CACNA2D3: variants seen among roughly 807,000 people sequenced by gnomAD.
CACNA2D3 encodes voltage-dependent calcium channel subunit alpha-2/delta-3.
Under a neutral mutation model 160.6 loss-of-function variants are expected in CACNA2D3, and 60 were observed. That is an observed-to-expected ratio of 0.37 (90% CI 0.30 to 0.46). The LOEUF is 0.46. Among genes scored for constraint, CACNA2D3 ranks in the 20% least tolerant of loss-of-function variants. CACNA2D3 has a pLI of 1.00. For synonymous variants in CACNA2D3, 558 were observed against 492.9 expected (o/e 1.13, Z -1.75); for missense variants, 1,205 against 1,365.0 (o/e 0.88, Z 1.85).
chr3:54,474,856 G>A (rs1485030842), intron 4 of CACNA2D3, among the ~76,000 whole-genome samples: 1 of 152,114 alleles, frequency 6.6e-6, no homozygotes, highest in Non-Finnish European at 1.5e-5. Flanking sequence ...ACAATGCTGA[G>A]TTTTAATATC....
chr3:54,780,026 T>C (rs1702502404), intron 13 of CACNA2D3, among the ~76,000 whole-genome samples: 1 of 152,230 alleles, frequency 6.6e-6, no homozygotes, highest in Admixed American at 6.5e-5. Flanking sequence ...AGTCTCTGTT[T>C]ACTGTGCACT....
chr3:54,521,731 T>C (rs1039367660), intron 5 of CACNA2D3, among the ~76,000 whole-genome samples: 9 of 152,316 alleles, frequency 5.9e-5, no homozygotes, highest in Middle Eastern at 3.4e-3. Context: ...GAGTTCTATT[T>C]GAGTTTTTGT....
At chr3:54,755,897 G>A (rs564305580) in intron 12 of CACNA2D3, among the ~76,000 whole-genome samples, 12 of 151,990 alleles carry the variant, frequency 7.9e-5, no homozygotes, top group Admixed American at 3.9e-4. Context: ...TTTAGTCATG[G>A]GTTATTGTTT....
intron 24 of CACNA2D3, among the ~76,000 whole-genome samples, chr3:54,888,507 G>T (rs772076039): frequency 7.2e-5 from 11 of 152,124 alleles, no homozygotes; most frequent in Non-Finnish European, 1.6e-4. Context: ...TGTGGGGAAG[G>T]CCGTGGTAGT....
chr3:54,747,715 G>A (rs1422895610), intron 11 of CACNA2D3, among the ~76,000 whole-genome samples: 1 of 152,066 alleles, frequency 6.6e-6, no homozygotes, highest in African/African-American at 2.4e-5. Context: ...GAGCTTCCCT[G>A]TCGCAGGGAC....
intron 2 of CACNA2D3, among the ~76,000 whole-genome samples, chr3:54,249,588 C>CACACACACACACACACACACACACACA (rs58638743): frequency 6.8e-6 from 1 of 147,584 alleles, no homozygotes; most frequent in African/African-American, 2.5e-5. Flanking sequence ...CACACACACA[C>CACACACACACACACACACACACACACA]CAGGCTACAT....
chr3:54,234,220 T>G (rs138149085), intron 2 of CACNA2D3, among the ~76,000 whole-genome samples: 1 of 152,192 alleles, frequency 6.6e-6, no homozygotes, highest in African/African-American at 2.4e-5. Flanking sequence ...AAGACATACA[T>G]GCAGCCAACA....
chr3:54,146,181 C>T (rs1700026918), intron 2 of CACNA2D3, among the ~76,000 whole-genome samples: 8 of 152,182 alleles, frequency 5.3e-5, no homozygotes, highest in Admixed American at 5.2e-4. Flanking sequence ...GGTGTTAAAC[C>T]CTAGCCCTAA....
intron 3 of CACNA2D3, among the ~76,000 whole-genome samples, chr3:54,376,538 G>A (rs1461758125): frequency 6.6e-6 from 1 of 152,158 alleles, no homozygotes; most frequent in Admixed American, 6.5e-5. Context: ...GCAGTGTGAA[G>A]CTCAATAATT....
intron 2 of CACNA2D3, among the ~76,000 whole-genome samples, chr3:54,212,192 G>A (rs1206632878): frequency 2.6e-5 from 4 of 152,162 alleles, no homozygotes; most frequent in African/African-American, 9.7e-5. Flanking sequence ...AGCCTCCGGA[G>A]GTCCTGATGA....
chr3:54,537,034 T>C (rs1030219483), intron 5 of CACNA2D3, among the ~76,000 whole-genome samples: 1 of 152,098 alleles, frequency 6.6e-6, no homozygotes, highest in African/African-American at 2.4e-5. Flanking sequence ...ACAATGACTC[T>C]CTCTTAGTCC....
At chr3:54,860,765 C>T (rs1381364020) in intron 17 of CACNA2D3, among the ~76,000 whole-genome samples, 1 of 152,268 alleles carries the variant, frequency 6.6e-6, no homozygotes, top group East Asian at 1.9e-4. Context: ...TGGAGCAGAG[C>T]AGTCTCTGAG....
rs146706315 is a variant in CACNA2D3 at position 54,417,419 on chromosome 3, T to C, written c.381+30645T>C. 9.1e-3 allele frequency among the ~76,000 whole-genome samples: 1,392 copies of C among 152,342 alleles called. 12 individuals are homozygous for C. The highest frequency in any genetic ancestry group is 0.02 in the Middle Eastern group (6 of 294). ...ACTGTGTGAACTTGGGCAAGTCATA[T>C]GTTCTTTCAGACTACGAGTTGGGAC... On this transcript the variant is annotated intron_variant, in intron 4 of 37. Transcript: ENST00000474759.
intron 4 of CACNA2D3, among the ~76,000 whole-genome samples, chr3:54,445,109 T>C (rs1176489803): frequency 1.3e-5 from 2 of 152,136 alleles, no homozygotes; most frequent in Non-Finnish European, 2.9e-5. Flanking sequence ...AGGTGTCCAA[T>C]GACAAATGGT....
chr3:54,408,403 C>T (rs1427567334), intron 4 of CACNA2D3, among the ~76,000 whole-genome samples: 3 of 152,088 alleles, frequency 2.0e-5, no homozygotes, highest in African/African-American at 7.2e-5. Flanking sequence ...CTAAATGCCA[C>T]GTAATCAAAC....
At chr3:55,009,090 T>C (rs540408009) in intron 33 of CACNA2D3, among the ~76,000 whole-genome samples, 1 of 152,298 alleles carries the variant, frequency 6.6e-6, no homozygotes, top group Non-Finnish European at 1.5e-5. Context: ...CTAGATGATA[T>C]TAAGATTGAA....
chr3:54,401,264 C>T (rs569769532), intron 4 of CACNA2D3, among the ~76,000 whole-genome samples: 2 of 151,878 alleles, frequency 1.3e-5, no homozygotes, highest in African/African-American at 4.8e-5. Flanking sequence ...ATCAAGTGAA[C>T]AAAGATTCAT....
chr3:54,327,373 T>A (rs893570327), intron 3 of CACNA2D3, among the ~76,000 whole-genome samples: 1 of 152,358 alleles, frequency 6.6e-6, no homozygotes, highest in African/African-American at 2.4e-5. Context: ...CAGCCTCACA[T>A]CATTGAAGTT....
At chr3:54,944,336 T>A (rs945737190) in intron 27 of CACNA2D3, among the ~76,000 whole-genome samples, 19 of 152,254 alleles carry the variant, frequency 1.2e-4, no homozygotes, top group African/African-American at 4.6e-4. Context: ...TCCCAACATA[T>A]ATCTTTCTAC....
Sources: allele counts gnomAD v4.1 joint callset (sites outside exome capture counted in the v4.1 genomes callset), GRCh38; gene constraint gnomAD v4.1.1; transcripts MANE v1.5; gene names NCBI Gene and HGNC (gene_info 2026-07-23, HGNC 2026-07-21).